The following ATF1 variants were observed in gnomAD, a reference collection of about 807,000 sequenced individuals.
The protein encoded by ATF1 is cyclic AMP-dependent transcription factor ATF-1.
A neutral mutation model predicts 34.7 loss-of-function variants in ATF1; 16 were observed. The observed-to-expected ratio is 0.46, with a 90% CI of 0.31 to 0.70. The LOEUF is 0.70. Among genes scored for constraint, ATF1 ranks in the 30% least tolerant of loss-of-function variants. The probability of loss-of-function intolerance (pLI) is 0.05; values close to 1 mark genes in which losing one functional copy is unlikely to be tolerated. For missense variants in ATF1, 255 were observed against 321.6 expected, an observed-to-expected ratio of 0.79 and a Z score of 1.58; for synonymous variants, 105 against 113.1, an observed-to-expected ratio of 0.93 and a Z score of 0.46.
At chr12:50,809,717 A>G (rs1941694905) in intron 4 of ATF1, 128 bp downstream of exon 4, 1 of 1,047,812 alleles carries the variant, frequency 9.5e-7, no homozygotes, top group Non-Finnish European at 1.3e-6. Flanking sequence ...TCAGCCAGGA[A>G]TAATGCGAAG....
intron 2 of ATF1, chr12:50,788,244 G>C (rs1473460658): frequency 4.4e-6 from 2 of 452,960 alleles, no homozygotes; most frequent in Non-Finnish European, 8.8e-6. Context: ...GTGCAGTAGT[G>C]TGAACATAGC....
chr12:50,795,367 C>T (rs1482914320), intron 2 of ATF1, among the ~76,000 whole-genome samples: 2 of 152,130 alleles, frequency 1.3e-5, no homozygotes, highest in African/African-American at 2.4e-5. Flanking sequence ...AGTCCTCAGT[C>T]CTCTTCTATT....
rs1246625267 is a variant in ATF1, at chr12:50,782,401, G to A, written c.93+2163G>A. 2.6e-5 allele frequency among the ~76,000 whole-genome samples: 4 copies of A among 151,548 alleles called. No homozygotes were observed. The South Asian group carries it at 8.4e-4, about 32-fold the overall frequency. On this transcript the variant is annotated intron_variant, in intron 2 of 6. Coordinates refer to ENST00000262053, the MANE Select transcript of ATF1 (RefSeq NM_005171.5). Reference sequence around the variant, plus strand: ...CTCCCGAGTAGCTGGGACTACAGGCGCCCGCCACCACGCCCGGCTAATTTT... The same window carrying A: ...CTCCCGAGTAGCTGGGACTACAGGCACCCGCCACCACGCCCGGCTAATTTT...
chr12:50,780,689 G>A (rs1235027703), intron 2 of ATF1, among the ~76,000 whole-genome samples: 3 of 151,060 alleles, frequency 2.0e-5, no homozygotes, highest in African/African-American at 7.3e-5. Context: ...AAGGCCAGGC[G>A]CAGTGGCTCA....
intron 3 of ATF1, among the ~76,000 whole-genome samples, chr12:50,807,726 A>G (rs1423920823): frequency 1.3e-5 from 2 of 151,614 alleles, no homozygotes; most frequent in African/African-American, 4.8e-5. Context: ...AGAATTCTTA[A>G]GCATTTCTTT....
At chr12:50,813,747 G>C (rs1941783851) in intron 4 of ATF1, among the ~76,000 whole-genome samples, 1 of 152,008 alleles carries the variant, frequency 6.6e-6, no homozygotes, top group Admixed American at 6.6e-5. Context: ...CCAGGAGGCA[G>C]AGGTTGCAGC....
chr12:50,798,315 T>C (rs768596076), intron 3 of ATF1, among the ~76,000 whole-genome samples: 2 of 151,548 alleles, frequency 1.3e-5, no homozygotes, highest in Non-Finnish European at 2.9e-5. Context: ...TCATGGTTGT[T>C]GTTTTTTTTT....
intron 1 of ATF1, among the ~76,000 whole-genome samples, chr12:50,773,892 T>A (rs993044745): frequency 1.3e-5 from 2 of 152,106 alleles, no homozygotes; most frequent in Non-Finnish European, 2.9e-5. Flanking sequence ...GCCAGGCCGG[T>A]AATCGCCATT....
At chr12:50,806,053 A>C (rs573584922) in intron 3 of ATF1, among the ~76,000 whole-genome samples, 25 of 151,380 alleles carry the variant, frequency 1.7e-4, no homozygotes, top group Non-Finnish European at 2.9e-4. Context: ...CAGGAGGCTG[A>C]GGCAGGAGAA....
chr12:50,785,280 TACATAC>T (rs1265618376), intron 2 of ATF1, among the ~76,000 whole-genome samples: 153 of 86,184 alleles, frequency 1.8e-3, no homozygotes, highest in African/African-American at 6.7e-3. Context: ...ATTATATATA[TACATAC>T]ACACACACAC....
intron 1 of ATF1, among the ~76,000 whole-genome samples, chr12:50,779,691 C>G (rs1362537762): frequency 2.0e-5 from 3 of 152,060 alleles, no homozygotes; most frequent in African/African-American, 7.2e-5. Flanking sequence ...CTTACCTAGC[C>G]TACATATCCT....
At chr12:50,808,366 C>T (rs1042646354) in intron 3 of ATF1, among the ~76,000 whole-genome samples, 4 of 151,806 alleles carry the variant, frequency 2.6e-5, no homozygotes, top group African/African-American at 4.8e-5. Context: ...CTCACTCTGT[C>T]GCCCAGGCTG....
At chr12:50,806,287 G>T (rs1009475287) in intron 3 of ATF1, 2 of 302,390 alleles carry the variant, frequency 6.6e-6, no homozygotes, top group Non-Finnish European at 1.5e-5. Flanking sequence ...TGGCCCATAC[G>T]CAGCACAACT....
At chr12:50,778,224 C>T (rs1177008580) in intron 1 of ATF1, among the ~76,000 whole-genome samples, 7 of 96,402 alleles carry the variant, frequency 7.3e-5, no homozygotes, top group East Asian at 3.2e-4. Flanking sequence ...CCATATTAAC[C>T]TTTTTTTTTT....
At chr12:50,764,716 C>G (rs966855466) in intron 1 of ATF1, 2 of 152,272 alleles carry the variant, frequency 1.3e-5, no homozygotes, top group African/African-American at 2.4e-5. Context: ...GAGCGGAGCC[C>G]GGGTCTGGTT....
At chr12:50,764,516 A>G (rs992269349) in intron 1 of ATF1, 1 of 152,154 alleles carries the variant, frequency 6.6e-6, no homozygotes, top group Non-Finnish European at 1.5e-5. Flanking sequence ...GCGCCCTTCC[A>G]GTCGTGCGTC....
At chr12:50,771,552 ATCT>A (rs1940770375) in intron 1 of ATF1, among the ~76,000 whole-genome samples, 1 of 152,068 alleles carries the variant, frequency 6.6e-6, no homozygotes. Context: ...TAGAAGATGG[ATCT>A]TCGTCCCTCT....
chr12:50,818,806 A>G (rs890141341), intron 6 of ATF1, among the ~76,000 whole-genome samples: 1 of 152,122 alleles, frequency 6.6e-6, no homozygotes, highest in Non-Finnish European at 1.5e-5. Context: ...AGGTTTTGCC[A>G]TGTTGGCCAG....
chr12:50,775,947 C>G (rs1193288339), intron 1 of ATF1, among the ~76,000 whole-genome samples: 2 of 152,120 alleles, frequency 1.3e-5, no homozygotes, highest in African/African-American at 4.8e-5. Flanking sequence ...AATCGCAACA[C>G]TTTAGGAGGC....
Sources: allele counts gnomAD v4.1 joint callset (sites outside exome capture counted in the v4.1 genomes callset), GRCh38; gene constraint gnomAD v4.1.1; transcripts MANE v1.5; gene names NCBI Gene and HGNC (gene_info 2026-07-23, HGNC 2026-07-21).